PYGO1: variants seen among roughly 807,000 people sequenced by gnomAD.
The protein encoded by PYGO1 is pygopus family PHD finger 1, also known as pygopus homolog 1.
PYGO1 carries 6 observed loss-of-function variants against 29.5 expected under a neutral mutation model. The ratio of observed to expected loss-of-function variants is 0.20; its 90% CI spans 0.11 to 0.40. The LOEUF (loss-of-function observed/expected upper bound fraction) is 0.40. Among genes scored for constraint, PYGO1 ranks in the 10% least tolerant of loss-of-function variants. The pLI is 1.00. For synonymous variants in PYGO1, 186 were observed against 180.5 expected (o/e 1.03, Z -0.24); for missense variants, 515 against 514.9 (o/e 1.00, Z 0.00).
intron 1 of PYGO1, among the ~76,000 whole-genome samples, chr15:55,574,414 G>T (rs1164113262): frequency 6.6e-6 from 1 of 152,180 alleles, no homozygotes; most frequent in Non-Finnish European, 1.5e-5. Context: ...AAATGCTTGT[G>T]TAAGTTTTGA....
chr15:55,588,125 C>A lies in PYGO1; in HGVS notation c.-242G>T. 1.8e-5 allele frequency: 14 copies of A among 797,348 alleles called. No homozygotes were observed. The highest frequency in any genetic ancestry group is 2.1e-5 in the Non-Finnish European group (14 of 660,864). The allele number at this position is 797,348 out of a possible 1,614,324, so 49.4% of individuals were successfully genotyped here. On this transcript the variant is annotated 5_prime_UTR_variant, in exon 1 of 3. Transcript: ENST00000563719. ...ACCGGCGGGGCTCAGCGGCGGTGGC[C>A]GGGAGCGCGGCCTGGGGGCGGCCCC... is the stretch of plus-strand genomic sequence containing the variant.
At chr15:55,548,611 C>A (rs2058863252) in intron 2 of PYGO1, among the ~76,000 whole-genome samples, 1 of 147,248 alleles carries the variant, frequency 6.8e-6, no homozygotes, top group South Asian at 2.2e-4. Context: ...GAGGCTGAGG[C>A]AGGAGAATCG....
intron 1 of PYGO1, among the ~76,000 whole-genome samples, chr15:55,572,644 A>G (rs1397145075): frequency 2.6e-5 from 4 of 152,162 alleles, no homozygotes; most frequent in South Asian, 2.1e-4. Flanking sequence ...TGCAAATCAT[A>G]TATCTCTTAA....
At chr15:55,550,453 G>T (rs2058873922) in intron 1 of PYGO1, among the ~76,000 whole-genome samples, 1 of 152,114 alleles carries the variant, frequency 6.6e-6, no homozygotes, top group African/African-American at 2.4e-5. Context: ...CTCTGGCACT[G>T]GTAGTCCATC....
chr15:55,539,778 G>A lies in PYGO1; in HGVS notation c.*6245C>T, dbSNP rs529739174. 5.3e-5 allele frequency: 8 copies of A among 151,954 alleles called. 1 individual carries two copies. In the South Asian group the frequency reaches 1.7e-3, roughly 32 times the overall value. The allele number at this position is 151,954 out of a possible 1,614,324, so 9.4% of individuals were successfully genotyped here. On this transcript the variant is annotated 3_prime_UTR_variant, in exon 3 of 3. Coordinates refer to ENST00000563719, the MANE Select transcript of PYGO1 (RefSeq NM_001367806.1). ...TCCTATCAATAGTCCACAATCAAAA[G>A]TACAAAATATACCATAACCATGCCG...
Position 55,581,608 on chromosome 15 carries a change from TTA to T in PYGO1, c.49+6225_49+6226del, listed in dbSNP as rs1230760527. 7.2e-5 allele frequency among the ~76,000 whole-genome samples: 11 copies of T among 152,288 alleles called. No individual in the cohort carries two copies. The East Asian group carries it at 1.4e-3, about 19-fold the overall frequency. ...TTTGCTGCTTCCTCACTGGGTAAAC[TTA>T]TATATGTTACTTAAGCACATACTAC... is the stretch of plus-strand genomic sequence containing the variant. On this transcript the variant is annotated intron_variant, in intron 1 of 2. Coordinates refer to ENST00000563719, the MANE Select transcript of PYGO1 (RefSeq NM_001367806.1).
Position 55,544,492 on chromosome 15 carries a change from G to C in PYGO1, c.*1531C>G, listed in dbSNP as rs868866943. The C allele has an allele frequency of 2.0e-5, 3 of 152,180 alleles. No homozygotes were observed. The highest frequency in any genetic ancestry group is 2.9e-5 in the Non-Finnish European group (2 of 68,038). The allele number at this position is 152,180 out of a possible 1,614,324, so 9.4% of individuals were successfully genotyped here. On this transcript the variant is annotated 3_prime_UTR_variant, in exon 3 of 3. Coordinates refer to ENST00000563719, the MANE Select transcript of PYGO1 (RefSeq NM_001367806.1). ...TCACTTAACTTTGCTTTAGTAGCTT[G>C]TGACATGTGAGGTCGAGTCCTTGTC...
intron 1 of PYGO1, among the ~76,000 whole-genome samples, chr15:55,552,929 T>TTAA (rs1221784395): frequency 6.6e-6 from 1 of 152,114 alleles, no homozygotes; most frequent in Non-Finnish European, 1.5e-5. Context: ...ACCTCCCAAG[T>TTAA]TAAGATCCAC....
chr15:55,558,942 A>T (rs925132913), intron 1 of PYGO1, among the ~76,000 whole-genome samples: 1 of 151,948 alleles, frequency 6.6e-6, no homozygotes, highest in African/African-American at 2.4e-5. Flanking sequence ...TTCATGTCTA[A>T]AACACCAAAA....
Position 55,545,566 on chromosome 15 carries a change from G to A in PYGO1, c.*457C>T, listed in dbSNP as rs2058845827. On this transcript the variant is annotated 3_prime_UTR_variant, in exon 3 of 3. Transcript: ENST00000563719. ...TATTATTTTTTTAATCCATAAAAAT[G>A]TATGCTTTCCCCCATGTTACAGTTA... 6.6e-6 allele frequency: 1 copy of A among 152,556 alleles called. No homozygotes were observed. Among genetic ancestry groups the A allele is most frequent in the East Asian group, 1.9e-4 (1 of 5,192 alleles). 9.5% of individuals were successfully genotyped at this position (152,556 alleles called of 1,614,324 possible). A position where few individuals can be genotyped will look rare whatever the true frequency, so the allele number is the denominator to read the frequency against.
At chr15:55,583,147 C>T (rs941808900) in intron 1 of PYGO1, among the ~76,000 whole-genome samples, 7 of 152,020 alleles carry the variant, frequency 4.6e-5, no homozygotes, top group African/African-American at 1.7e-4. Flanking sequence ...TGATGCTAAC[C>T]TTGTTCCCTT....
chr15:55,587,338 CG>C (rs1177088494), intron 1 of PYGO1, among the ~76,000 whole-genome samples: 1 of 148,864 alleles, frequency 6.7e-6, no homozygotes, highest in Non-Finnish European at 1.5e-5. Context: ...CTTAAACCTA[CG>C]GAAAATAAAC....
At chr15:55,560,233 T>A (rs187447607) in intron 1 of PYGO1, among the ~76,000 whole-genome samples, 1 of 152,196 alleles carries the variant, frequency 6.6e-6, no homozygotes, top group East Asian at 1.9e-4. Context: ...AGGATGATAA[T>A]AAGTCAAATT....
intron 1 of PYGO1, among the ~76,000 whole-genome samples, chr15:55,576,053 G>T (rs544529841): frequency 6.6e-6 from 1 of 152,194 alleles, no homozygotes; most frequent in East Asian, 1.9e-4. Flanking sequence ...AAAAATAACT[G>T]GTGTGGTTTC....
intron 1 of PYGO1, among the ~76,000 whole-genome samples, chr15:55,551,627 C>T (rs942839667): frequency 6.6e-6 from 1 of 151,970 alleles, no homozygotes; most frequent in African/African-American, 2.4e-5. Flanking sequence ...GAGATCCCAC[C>T]TCTACATTAA....
At position 55,546,276 on chromosome 15, in the gene PYGO1, G is replaced by A. The variant is rs754334597; in HGVS notation, c.1007C>T (p.Ser336Phe). 4 of 1,614,120 alleles carry A rather than the reference G, an allele frequency of 2.5e-6. No homozygotes were observed. The African/African-American group carries it at 5.3e-5, about 22-fold the overall frequency. Reference protein sequence around the residue: ...SLHPNRHGHSSSDPVYPCGIC... With the variant: ...SLHPNRHGHSFSDPVYPCGIC... ...TCCACAAGGATACACTGGGTCAGAA[G>A]ACGAATGGCCATGACGGTTTGGGTG... Residue 336 changes from serine (S) to phenylalanine (F), a missense_variant, in exon 3 of 3, where the codon TCT becomes TTT. Physicochemically the swap from Ser to Phe is radical, Grantham distance 155 (BLOSUM62 -2). Transcript: ENST00000563719.
In PYGO1 at chr15:55,545,945, T is replaced by G. The variant is rs542333151; in HGVS notation, c.*78A>C. Reference sequence around the variant, plus strand: ...TTTGTGTATGCATTTAAAAAAATAATGTAAAACATTAAAATCCTGTGTCAA... The same window carrying G: ...TTTGTGTATGCATTTAAAAAAATAAGGTAAAACATTAAAATCCTGTGTCAA... On this transcript the variant is annotated 3_prime_UTR_variant, in exon 3 of 3. Transcript: ENST00000563719. 4 of 1,408,964 alleles carry G rather than the reference T, an allele frequency of 2.8e-6. No individual in the cohort carries two copies. The African/African-American group carries it at 5.8e-5, about 20-fold the overall frequency. 87.3% of individuals were successfully genotyped at this position (1,408,964 alleles called of 1,614,324 possible).
At chr15:55,549,917 A>G (rs2058871324) in intron 1 of PYGO1, among the ~76,000 whole-genome samples, 1 of 152,200 alleles carries the variant, frequency 6.6e-6, no homozygotes, top group Non-Finnish European at 1.5e-5. Context: ...TTTCAACACC[A>G]TCTTCACCTC....
rs147049931 is a variant in PYGO1, at chr15:55,560,921, C to A, written c.50-11926G>T. ...TGAGCCGAGATCATGCCACTGCACT[C>A]CAGCCTGGGCGACAGAGCAAGACTC... is the stretch of plus-strand genomic sequence containing the variant. On this transcript the variant is annotated intron_variant, in intron 1 of 2. Coordinates refer to ENST00000563719, the MANE Select transcript of PYGO1 (RefSeq NM_001367806.1). Among the ~76,000 whole-genome samples the A allele has an allele frequency of 4.4e-3, 674 of 152,234 alleles. 34 individuals are homozygous for A. The East Asian group carries it at 0.11, about 24-fold the overall frequency.
Sources: gnomAD v4.1 joint callset for allele counts (sites outside exome capture counted in the v4.1 genomes callset) on GRCh38, gnomAD v4.1.1 for gene constraint, MANE v1.5 for transcripts, NCBI Gene and HGNC (gene_info 2026-07-23, HGNC 2026-07-21) for gene names.